The following RAD51C variants were observed in gnomAD, a reference collection of about 807,000 sequenced individuals.
The protein encoded by RAD51C is DNA repair protein RAD51 homolog 3.
In RAD51C, 42 loss-of-function variants were observed where a neutral mutation model predicts 45.0. The observed-to-expected ratio is 0.93, with a 90% confidence interval of 0.73 to 1.21. The LOEUF (loss-of-function observed/expected upper bound fraction) is 1.21. Ranked by LOEUF, RAD51C falls within the 50% of genes most tolerant of loss-of-function variation. The pLI is 0.00. For synonymous variants in RAD51C, 172 were observed against 159.8 expected (o/e 1.08, Z -0.58); for missense variants, 474 against 452.2 (o/e 1.05, Z -0.44).
chr17:58,712,353 A>C (rs1284694649), intron 5 of RAD51C, among the ~76,000 whole-genome samples: 1 of 151,470 alleles, frequency 6.6e-6, no homozygotes, highest in Non-Finnish European at 1.5e-5. Flanking sequence ...TCAAAAAAAA[A>C]AAAAAAAAAA....
chr17:58,728,997 T>C (rs747542487), intron 7 of RAD51C, among the ~76,000 whole-genome samples: 9 of 152,148 alleles, frequency 5.9e-5, no homozygotes, highest in Non-Finnish European at 1.2e-4. Context: ...CCCCACACAG[T>C]GTTTCATATG....
chr17:58,728,351 A>G (rs1438322362), intron 7 of RAD51C, among the ~76,000 whole-genome samples: 2 of 152,192 alleles, frequency 1.3e-5, no homozygotes, highest in East Asian at 3.9e-4. Context: ...AAATAGTTAT[A>G]AAAATGAACA....
intron 1 of RAD51C, 133 bp downstream of exon 1, chr17:58,692,921 G>A: frequency 7.5e-7 from 1 of 1,341,560 alleles, no homozygotes; most frequent in Non-Finnish European, 1.0e-6. Flanking sequence ...TTTACAGCGT[G>A]AAAGAGCTCC....
chr17:58,713,421 G>T (rs796401826), intron 5 of RAD51C, among the ~76,000 whole-genome samples: 1 of 152,156 alleles, frequency 6.6e-6, no homozygotes, highest in African/African-American at 2.4e-5. Flanking sequence ...GTTCACTGTA[G>T]CCTCAATCTC....
intron 5 of RAD51C, among the ~76,000 whole-genome samples, chr17:58,713,823 A>C (rs1053015561): frequency 2.6e-5 from 4 of 151,646 alleles, no homozygotes; most frequent in African/African-American, 9.7e-5. Context: ...TAAATAAATA[A>C]ATAAGTTTTT....
intron 5 of RAD51C, among the ~76,000 whole-genome samples, chr17:58,710,618 G>C (rs1308972280): frequency 6.6e-6 from 1 of 151,838 alleles, no homozygotes; most frequent in Non-Finnish European, 1.5e-5. Context: ...AACATCCCTG[G>C]TTTTCTTCTC....
rs534983914 is a variant in RAD51C at position 58,727,404 on chromosome 17, A to G, written c.965+3304A>G. 8.2e-4 allele frequency among the ~76,000 whole-genome samples: 125 copies of G among 152,294 alleles called. 1 individual carries two copies. The highest frequency in any genetic ancestry group is 2.9e-3 in the African/African-American group (120 of 41,580). On this transcript the variant is annotated intron_variant, in intron 7 of 8. Coordinates refer to ENST00000337432, the MANE Select transcript of RAD51C (RefSeq NM_058216.3). ...CTCTCAAAGTGCTGGGATTACAGGC[A>G]TGAGCCACCGCACTCGGCCATAGCT...
intron 3 of RAD51C, among the ~76,000 whole-genome samples, chr17:58,702,538 C>G (rs1227761087): frequency 6.6e-6 from 1 of 151,868 alleles, no homozygotes; most frequent in Non-Finnish European, 1.5e-5. Context: ...ACTAAAAATA[C>G]AAAAATTAGC....
At chr17:58,703,455 C>A in intron 4 of RAD51C, 126 bp downstream of exon 4, 1 of 945,070 alleles carries the variant, frequency 1.1e-6, no homozygotes, top group Non-Finnish European at 1.6e-6. Context: ...TCTCTTCCTT[C>A]CTTGACCTAC....
intron 4 of RAD51C, among the ~76,000 whole-genome samples, chr17:58,704,101 T>C (rs2143810671): frequency 1.3e-5 from 2 of 151,868 alleles, no homozygotes; most frequent in Middle Eastern, 3.4e-3. Flanking sequence ...TCTCCTTGAC[T>C]GAACTTGGCC....
At chr17:58,700,087 C>T (rs1304072241) in intron 3 of RAD51C, 3 of 152,198 alleles carry the variant, frequency 2.0e-5, no homozygotes, top group African/African-American at 7.2e-5. Flanking sequence ...AAACTTCTGA[C>T]CTCAAGTGAT....
rs1267360060 is a variant in RAD51C, at chr17:58,734,272, A to G, written c.*50A>G. 6 of 1,579,808 alleles carry G rather than the reference A, an allele frequency of 3.8e-6. No individual in the cohort carries two copies. The highest frequency in any genetic ancestry group is 2.3e-5 in the East Asian group (1 of 43,574). On this transcript the variant is annotated 3_prime_UTR_variant, in exon 9 of 9. Coordinates refer to ENST00000337432, the MANE Select transcript of RAD51C (RefSeq NM_058216.3). Reference sequence around the variant, plus strand: ...CAAATTTATTGATGTTGTGAAATCAATGTGTACAAGTGGACTTGTTACCTT... The same window carrying G: ...CAAATTTATTGATGTTGTGAAATCAGTGTGTACAAGTGGACTTGTTACCTT...
rs534565436 is a variant in RAD51C at position 58,726,147 on chromosome 17, ACT to A, written c.965+2051_965+2052del. ...TATTTTTATTTTATTTATTTTTCATACTCTCATTTTAGTGAGTGCTTGCTTGT... is the reference window on the plus strand; with the variant it reads ...TATTTTTATTTTATTTATTTTTCATACTCATTTTAGTGAGTGCTTGCTTGT... On this transcript the variant is annotated intron_variant, in intron 7 of 8. Transcript: ENST00000337432. 5.9e-5 allele frequency among the ~76,000 whole-genome samples: 9 copies of A among 151,626 alleles called. No individual in the cohort carries two copies. In the East Asian group the frequency reaches 1.2e-3, roughly 20 times the overall value.
At chr17:58,719,538 C>T (rs1017202706) in intron 5 of RAD51C, among the ~76,000 whole-genome samples, 3 of 151,522 alleles carry the variant, frequency 2.0e-5, no homozygotes, top group East Asian at 1.9e-4. Context: ...GTTTTATGAG[C>T]TAGATGTGGC....
chr17:58,693,019 C>T, intron 1 of RAD51C: 1 of 578,452 alleles, frequency 1.7e-6, no homozygotes, highest in Non-Finnish European at 3.0e-6. Flanking sequence ...GCAATGCCTG[C>T]TGAATGCTTT....
chr17:58,713,559 C>T (rs1005522455), intron 5 of RAD51C, among the ~76,000 whole-genome samples: 4 of 151,990 alleles, frequency 2.6e-5, no homozygotes, highest in Non-Finnish European at 5.9e-5. Flanking sequence ...CTATAACCCA[C>T]CACTGTGGGA....
chr17:58,724,534 T>G (rs1230986013), intron 7 of RAD51C, among the ~76,000 whole-genome samples: 1 of 152,062 alleles, frequency 6.6e-6, no homozygotes, highest in Non-Finnish European at 1.5e-5. Flanking sequence ...TCTTATTTGC[T>G]TAGTATATTT....
rs1432320770 is a variant in RAD51C, at chr17:58,692,746, G to A, written c.103G>A (p.Ala35Thr). ...VKLVSAGFQT[A>T]EELLEVKPSE... ...GCTGGTGTCTGCGGGGTTCCAGACT[G>A]CTGAGGAACTCCTAGAGGTGAAACC... Residue 35 changes from alanine to threonine, a missense_variant, in exon 1 of 9, where the codon GCT becomes ACT. Transcript: ENST00000337432. 6 of 1,614,148 alleles carry A rather than the reference G, an allele frequency of 3.7e-6. No homozygotes were observed. In the South Asian group the frequency reaches 4.4e-5, roughly 12 times the overall value.
At chr17:58,729,291 C>T (rs2144018705) in intron 7 of RAD51C, among the ~76,000 whole-genome samples, 1 of 152,246 alleles carries the variant, frequency 6.6e-6, no homozygotes, top group Non-Finnish European at 1.5e-5. Flanking sequence ...AATCTCAGCT[C>T]ACTACAACCT....
Sources: gnomAD v4.1 joint callset for allele counts (sites outside exome capture counted in the v4.1 genomes callset) on GRCh38, gnomAD v4.1.1 for gene constraint, MANE v1.5 for transcripts, NCBI Gene and HGNC (gene_info 2026-07-23, HGNC 2026-07-21) for gene names.